AS3MT: variants seen among roughly 807,000 people sequenced by gnomAD.
AS3MT encodes the protein S-adenosyl-L-methionine:arsenic(III) methyltransferase.
A neutral mutation model predicts 45.3 loss-of-function variants in AS3MT; 47 were observed. The ratio of observed to expected loss-of-function variants is 1.04; its 90% CI spans 0.82 to 1.32. The LOEUF (loss-of-function observed/expected upper bound fraction) is 1.32, where lower values mean the gene tolerates loss of function less well. AS3MT is among the 40% of genes most tolerant of loss of function. The pLI, the probability that AS3MT is intolerant of heterozygous loss-of-function variation, is 0.00. For missense variants in AS3MT, 396 were observed against 451.1 expected (o/e 0.88, Z 1.11); for synonymous variants, 141 against 152.8 (o/e 0.92, Z 0.57).
chr10:102,884,326 A>G (rs1844913546), intron 9 of AS3MT, among the ~76,000 whole-genome samples: 1 of 151,922 alleles, frequency 6.6e-6, no homozygotes, highest in African/African-American at 2.4e-5. Flanking sequence ...ATGTTGTATA[A>G]TAGATCTCTT....
rs71019628 is a variant in AS3MT at position 102,896,808 on chromosome 10, C to CAAA, written c.1021-3772_1021-3770dup. Among the ~76,000 whole-genome samples, 200 of 120,716 alleles carry CAAA rather than the reference C, an allele frequency of 1.7e-3. 3 individuals are homozygous for CAAA. Among genetic ancestry groups the CAAA allele is most frequent in the Non-Finnish European group, 2.6e-3 (146 of 57,048 alleles). 79.2% of individuals were successfully genotyped at this position (120,716 alleles called of 152,430 possible). ...GGGGTGACAGAGTGAGACTCCATCT[C>CAAA]AAAAAAAAAAAAAAAGAGTGATTTA... On this transcript the variant is annotated intron_variant, in intron 10 of 10. Transcript: ENST00000369880.
chr10:102,876,209 G>A (rs1182958112), intron 6 of AS3MT, among the ~76,000 whole-genome samples: 1 of 151,960 alleles, frequency 6.6e-6, no homozygotes, highest in Non-Finnish European at 1.5e-5. Context: ...ATATTTTAAA[G>A]ATAAAATGTG....
Position 102,900,792 on chromosome 10 carries a change from CA to C in AS3MT, c.*94del, listed in dbSNP as rs1300923398. Reference sequence around the variant, plus strand: ...TCCCCATAGCACAGACCATAAGAAACAACAAATGGGGCCGGGCACAGTGGCT... The same window carrying C: ...TCCCCATAGCACAGACCATAAGAAACACAAATGGGGCCGGGCACAGTGGCT... On this transcript the variant is annotated 3_prime_UTR_variant, in exon 11 of 11. Transcript: ENST00000369880. 6.8e-6 allele frequency: 7 copies of C among 1,025,058 alleles called. No homozygotes were observed. Among genetic ancestry groups the C allele is most frequent in the Non-Finnish European group, 1.0e-5 (7 of 668,720 alleles). The allele number at this position is 1,025,058 out of a possible 1,614,324, so 63.5% of individuals were successfully genotyped here.
Position 102,900,762 on chromosome 10 carries a change from G to A in AS3MT, c.*62G>A, listed in dbSNP as rs1006069078. The A allele has an allele frequency of 6.2e-6, 8 of 1,298,462 alleles. No individual in the cohort carries two copies. Among genetic ancestry groups the A allele is most frequent in the Middle Eastern group, 1.8e-4 (1 of 5,464 alleles). The allele number at this position is 1,298,462 out of a possible 1,614,324, so 80.4% of individuals were successfully genotyped here. ...GAGTGATCTGCATGTTTTTTAACCT[G>A]CTTTTCCCCATAGCACAGACCATAA... is the stretch of plus-strand genomic sequence containing the variant. On this transcript the variant is annotated 3_prime_UTR_variant, in exon 11 of 11. Transcript: ENST00000369880.
At chr10:102,890,705 G>T (rs776386959) in intron 10 of AS3MT, 27 bp downstream of exon 10, 6 of 1,591,156 alleles carry the variant, frequency 3.8e-6, no homozygotes, top group Admixed American at 3.7e-5. Context: ...CTACCTGAGA[G>T]AACTATTTTA....
rs558829089 is a variant in AS3MT at position 102,876,968 on chromosome 10, A to G, written c.543A>G (p.Leu181=). ...CTCTGTTTCAGCATGGTGGGGAGTT[A>G]TATTTCAGTGACGTCTATACGAGCC... ...AYRVLKHGGE[L]YFSDVYTSLE... The change falls in exon 7 of 11, where the codon TTA becomes TTG. Residue 181 remains leucine, a synonymous_variant. Coordinates refer to ENST00000369880, the MANE Select transcript of AS3MT (RefSeq NM_020682.4). The G allele has an allele frequency of 6.2e-7, 1 of 1,614,192 alleles. No individual in the cohort carries two copies. The highest frequency in any genetic ancestry group is 2.2e-5 in the East Asian group (1 of 44,876).
At chr10:102,869,908 C>A in intron 2 of AS3MT, 63 bp downstream of exon 2, 1 of 1,601,216 alleles carries the variant, frequency 6.2e-7, no homozygotes, top group Non-Finnish European at 8.5e-7. Context: ...TCTGGCCTGG[C>A]CCGCACCCTG....
rs148332228 is a variant in AS3MT at position 102,894,371 on chromosome 10, C to T, written c.1020+3693C>T. On this transcript the variant is annotated intron_variant, in intron 10 of 10. Coordinates refer to ENST00000369880, the MANE Select transcript of AS3MT (RefSeq NM_020682.4). ...CTGGGAGGTGGAGGTTGCAGTGAGC[C>T]GAGATCATGCCACTGCACTCTAACC... 4.2e-3 allele frequency among the ~76,000 whole-genome samples: 629 copies of T among 151,468 alleles called. 18 individuals are homozygous for T. The East Asian group carries it at 0.07, about 17-fold the overall frequency.
chr10:102,878,265 G>C (rs1258349154), intron 7 of AS3MT, 114 bp from the exon 8 acceptor site: 1 of 1,416,742 alleles, frequency 7.1e-7, no homozygotes, highest in African/African-American at 1.4e-5. Context: ...CTACTGCTAG[G>C]ATCTATGTTT....
At chr10:102,870,548 T>G (rs1204233529) in intron 3 of AS3MT, among the ~76,000 whole-genome samples, 2 of 151,818 alleles carry the variant, frequency 1.3e-5, no homozygotes, top group African/African-American at 4.8e-5. Context: ...CTAAAATAAA[T>G]GCGTACTTTA....
chr10:102,898,423 C>G (rs1845216656), intron 10 of AS3MT, among the ~76,000 whole-genome samples: 1 of 151,906 alleles, frequency 6.6e-6, no homozygotes, highest in South Asian at 2.1e-4. Context: ...TGGTGAAACC[C>G]CCTCTCTACT....
chr10:102,872,929 G>A (rs1056439343), intron 4 of AS3MT, among the ~76,000 whole-genome samples, 168 bp from the exon 5 acceptor site: 8 of 152,288 alleles, frequency 5.3e-5, no homozygotes, highest in East Asian at 1.9e-4. Flanking sequence ...ACGGGCAGCA[G>A]GGAGTTTATG....
intron 9 of AS3MT, among the ~76,000 whole-genome samples, chr10:102,879,541 A>G (rs1844840439): frequency 6.6e-6 from 1 of 151,958 alleles, no homozygotes. Context: ...TGAGGCAGGC[A>G]GATTACCTGA....
intron 9 of AS3MT, among the ~76,000 whole-genome samples, chr10:102,883,980 C>A (rs1320644337): frequency 7.7e-6 from 1 of 129,434 alleles, no homozygotes; most frequent in Admixed American, 8.2e-5. Context: ...TTCTTTATTT[C>A]TTTTTTTTTT....
chr10:102,872,736 C>A, intron 4 of AS3MT, 138 bp downstream of exon 4: 2 of 951,650 alleles, frequency 2.1e-6, no homozygotes, highest in Non-Finnish European at 3.0e-6. Context: ...GCCACTAGTG[C>A]TTCCTGTCTT....
At chr10:102,875,476 CAAAAA>C (rs35877885) in intron 6 of AS3MT, among the ~76,000 whole-genome samples, 1 of 39,644 alleles carries the variant, frequency 2.5e-5, no homozygotes, top group Non-Finnish European at 4.7e-5. Flanking sequence ...GACTCCATCT[CAAAAA>C]AAAAAAAAAA....
intron 9 of AS3MT, among the ~76,000 whole-genome samples, chr10:102,879,768 CAAAAAAAAA>C (rs1191489555): frequency 1.6e-5 from 1 of 60,710 alleles, no homozygotes; most frequent in Non-Finnish European, 3.0e-5. Flanking sequence ...GACTCCATCT[CAAAAAAAAA>C]AAAAAAAAAA....
At chr10:102,870,616 G>A (rs556486987) in intron 3 of AS3MT, among the ~76,000 whole-genome samples, 1 of 152,284 alleles carries the variant, frequency 6.6e-6, no homozygotes, top group Admixed American at 6.5e-5. Flanking sequence ...CCCTACCCAT[G>A]CTCACAGAAT....
chr10:102,879,134 AAGT>A (rs1204227262), intron 9 of AS3MT, 143 bp downstream of exon 9: 1 of 941,460 alleles, frequency 1.1e-6, no homozygotes, highest in East Asian at 2.6e-5. Context: ...TGTGTGTTTC[AAGT>A]GGAGTAAAAA....
Sources: allele counts gnomAD v4.1 joint callset (sites outside exome capture counted in the v4.1 genomes callset), GRCh38; gene constraint gnomAD v4.1.1; transcripts MANE v1.5; gene names NCBI Gene and HGNC (gene_info 2026-07-23, HGNC 2026-07-21).